Variants in ABCG8 observed in about 807,000 individuals in gnomAD.
ABCG8 encodes the protein ATP binding cassette subfamily G member 8.
A neutral mutation model predicts 71.3 loss-of-function variants in ABCG8; 81 were observed. That is an observed-to-expected ratio of 1.14 (90% confidence interval 0.95 to 1.37). The LOEUF (loss-of-function observed/expected upper bound fraction) is 1.37. Among genes scored for constraint, ABCG8 ranks in the 40% most tolerant of loss-of-function variants. The probability of loss-of-function intolerance (pLI) is 0.00; values close to 1 mark genes in which losing one functional copy is unlikely to be tolerated. For missense variants in ABCG8, 1,119 were observed against 866.2 expected, an observed-to-expected ratio of 1.29 and a Z score of -3.66; for synonymous variants, 451 against 354.7, an observed-to-expected ratio of 1.27 and a Z score of -3.05.
intron 1 of ABCG8, among the ~76,000 whole-genome samples, chr2:43,841,484 A>T (rs1031711015): frequency 1.3e-5 from 2 of 152,176 alleles, no homozygotes; most frequent in African/African-American, 4.8e-5. Flanking sequence ...AGTCTAACAA[A>T]TCCTTCCTGG....
intron 3 of ABCG8, 121 bp downstream of exon 3, chr2:43,846,432 G>T: frequency 7.0e-7 from 1 of 1,420,592 alleles, no homozygotes; most frequent in East Asian, 2.4e-5. Context: ...CAGCAGAATG[G>T]CTGAGAACAC....
At chr2:43,845,212 C>T (rs957590863) in intron 2 of ABCG8, among the ~76,000 whole-genome samples, 16 of 151,820 alleles carry the variant, frequency 1.1e-4, no homozygotes, top group Middle Eastern at 3.4e-3. Context: ...ACCCAGGAAC[C>T]CCCTGGTCAG....
intron 8 of ABCG8, among the ~76,000 whole-genome samples, chr2:43,873,393 C>T (rs1000039012): frequency 2.0e-5 from 3 of 151,942 alleles, no homozygotes; most frequent in Non-Finnish European, 2.9e-5. Flanking sequence ...AGTTTCTCCA[C>T]GTTGGCCAGG....
rs1384330573 is a variant in ABCG8 at position 43,839,455 on chromosome 2, C to G, written c.63+339C>G. ...TTTTTTTTTTTTTTTGAGACGGAGT[C>G]TCGCTCTGTTGCCCAGGCTGGAGTG... On this transcript the variant is annotated intron_variant, in intron 1 of 12. Coordinates refer to ENST00000272286, the MANE Select transcript of ABCG8 (RefSeq NM_022437.3). 3.3e-5 allele frequency among the ~76,000 whole-genome samples: 3 copies of G among 91,338 alleles called. No homozygotes were observed. The Admixed American group carries it at 5.4e-4, about 16-fold the overall frequency. The allele number at this position is 91,338 out of a possible 152,430, so 59.9% of individuals were successfully genotyped here. A position where few individuals can be genotyped will look rare whatever the true frequency, so the allele number is the denominator to read the frequency against.
intron 3 of ABCG8, among the ~76,000 whole-genome samples, chr2:43,849,990 A>C (rs753950619): frequency 6.6e-6 from 1 of 152,112 alleles, no homozygotes. Flanking sequence ...ACCTGAGGTC[A>C]GGGGTTCGAG....
At chr2:43,865,064 CCCACTAT>C (rs1669476968) in intron 6 of ABCG8, among the ~76,000 whole-genome samples, 2 of 151,682 alleles carry the variant, frequency 1.3e-5, no homozygotes, top group Admixed American at 1.3e-4. Context: ...GGATAGAACT[CCCACTAT>C]CTGTCTGGAT....
intron 3 of ABCG8, among the ~76,000 whole-genome samples, chr2:43,851,123 C>T (rs1012887964): frequency 1.3e-5 from 2 of 152,206 alleles, no homozygotes; most frequent in Non-Finnish European, 2.9e-5. Flanking sequence ...TTAGTCCTCA[C>T]AAAGCCAGCT....
At position 43,866,731 on chromosome 2, in the gene ABCG8, C is replaced by T. The variant is rs190082097; in HGVS notation, c.965-5245C>T. Among the ~76,000 whole-genome samples, 1,008 of 151,544 alleles carry T rather than the reference C, an allele frequency of 6.7e-3. 21 individuals are homozygous for T. Among genetic ancestry groups the T allele is most frequent in the African/African-American group, 0.021 (876 of 41,142 alleles). On this transcript the variant is annotated intron_variant, in intron 6 of 12. Transcript: ENST00000272286. ...GAGAGGATGTGGAGAAATAGGAACA[C>T]TTTTACACTGTTGGTGGGATTGTAA...
intron 1 of ABCG8, among the ~76,000 whole-genome samples, chr2:43,840,030 G>A (rs3806470): frequency 0.31 from 47,345 of 152,112 alleles, 8,457 homozygotes; most frequent in East Asian, 0.84. Flanking sequence ...AATTCGGGAT[G>A]TGGCAGGATT....
At position 43,881,809 on chromosome 2, in the gene ABCG8, T is replaced by C. The variant is rs977544353; in HGVS notation, c.*3896T>C. On this transcript the variant is annotated 3_prime_UTR_variant, in exon 13 of 13. Coordinates refer to ENST00000272286, the MANE Select transcript of ABCG8 (RefSeq NM_022437.3). ...GTAGAGATTTGTTTATTTGTCAGTATTGAAAGCATGGCTTGCAAAGTTTTC... is the reference window on the plus strand; with the variant it reads ...GTAGAGATTTGTTTATTTGTCAGTACTGAAAGCATGGCTTGCAAAGTTTTC... 6.6e-6 allele frequency: 1 copy of C among 152,216 alleles called. No homozygotes were observed. The highest frequency in any genetic ancestry group is 1.5e-5 in the Non-Finnish European group (1 of 68,042). 9.4% of individuals were successfully genotyped at this position (152,216 alleles called of 1,614,324 possible).
rs576954778 is a variant in ABCG8 at position 43,880,444 on chromosome 2, G to C, written c.*2531G>C. On this transcript the variant is annotated 3_prime_UTR_variant, in exon 13 of 13. Coordinates refer to ENST00000272286, the MANE Select transcript of ABCG8 (RefSeq NM_022437.3). ...CTGCTTCGGCCTCCCAAAGTGTTGG[G>C]ATTACAGGTGTGACCCACCGCACCT... 13 of 152,324 alleles carry C rather than the reference G, an allele frequency of 8.5e-5. No homozygotes were observed. Among genetic ancestry groups the C allele is most frequent in the Non-Finnish European group, 1.5e-4 (10 of 68,052 alleles). 9.4% of individuals were successfully genotyped at this position (152,324 alleles called of 1,614,324 possible). A position where few individuals can be genotyped will look rare whatever the true frequency, so the allele number is the denominator to read the frequency against.
chr2:43,853,005 G>C, intron 6 of ABCG8, 137 bp downstream of exon 6: 1 of 1,178,936 alleles, frequency 8.5e-7, no homozygotes, highest in Non-Finnish European at 1.2e-6. Flanking sequence ...TGATGGGGAA[G>C]AACATGGGGT....
rs755102191 is a variant in ABCG8 at position 43,844,609 on chromosome 2, G to A, written c.165+1G>A. On this transcript the variant is annotated splice_donor_variant, in intron 2 of 12. Transcript: ENST00000272286. LOFTEE classifies it high-confidence loss of function. Reference sequence around the variant, plus strand: ...GGAGGTCAGAGACCTCAACTACCAGGTAGAGGCACGCCTGGGTTCAAGGGG... The same window carrying A: ...GGAGGTCAGAGACCTCAACTACCAGATAGAGGCACGCCTGGGTTCAAGGGG... 3 of 1,610,092 alleles carry A rather than the reference G, an allele frequency of 1.9e-6. No homozygotes were observed. Among genetic ancestry groups the A allele is most frequent in the African/African-American group, 2.7e-5 (2 of 74,874 alleles).
At chr2:43,840,508 G>T (rs1055815791) in intron 1 of ABCG8, among the ~76,000 whole-genome samples, 6 of 152,186 alleles carry the variant, frequency 3.9e-5, no homozygotes, top group Admixed American at 2.0e-4. Flanking sequence ...GTCACTCCAG[G>T]TGCTGAGTGA....
rs933557140 is a variant in ABCG8, at chr2:43,881,686, T to A, written c.*3773T>A. 2.3e-5 allele frequency: 3 copies of A among 131,956 alleles called. No individual in the cohort carries two copies. The highest frequency in any genetic ancestry group is 9.0e-5 in the African/African-American group (3 of 33,324). 8.2% of individuals were successfully genotyped at this position (131,956 alleles called of 1,614,324 possible). On this transcript the variant is annotated 3_prime_UTR_variant, in exon 13 of 13. Transcript: ENST00000272286. ...ATTGAGCCACCGCACTCCAGCCTGGTGACAGAGCGATACTCTGTCTCAAAA... is the reference window on the plus strand; with the variant it reads ...ATTGAGCCACCGCACTCCAGCCTGGAGACAGAGCGATACTCTGTCTCAAAA...
At chr2:43,867,362 A>T (rs1039303925) in intron 6 of ABCG8, among the ~76,000 whole-genome samples, 3 of 152,024 alleles carry the variant, frequency 2.0e-5, no homozygotes, top group African/African-American at 7.2e-5. Flanking sequence ...AAAAAAAAGA[A>T]TTCTCACCCT....
intron 6 of ABCG8, among the ~76,000 whole-genome samples, chr2:43,858,793 T>C (rs1669202547): frequency 6.6e-6 from 1 of 150,414 alleles, no homozygotes; most frequent in African/African-American, 2.4e-5. Flanking sequence ...TCTATTTCAA[T>C]AGAATTCTCA....
chr2:43,852,759 G>A lies in ABCG8; in HGVS notation c.855G>A (p.Leu285=), dbSNP rs929726147. Reference sequence around the variant, plus strand: ...TCAGGCTGTTTGATCTGGTCCTCCTGATGACGTCTGGCACCCCCATCTACT... The same window carrying A: ...TCAGGCTGTTTGATCTGGTCCTCCTAATGACGTCTGGCACCCCCATCTACT... The part of the protein sequence containing the change: ...DIFRLFDLVL[L]MTSGTPIYLG... The change falls in exon 6 of 13, where the codon CTG becomes CTA. Residue 285 remains leucine (L), a synonymous_variant. Transcript: ENST00000272286. 6 of 1,614,152 alleles carry A rather than the reference G, an allele frequency of 3.7e-6. No homozygotes were observed. Among genetic ancestry groups the A allele is most frequent in the Non-Finnish European group, 5.1e-6 (6 of 1,180,016 alleles).
chr2:43,847,208 C>G (rs1324735080), intron 3 of ABCG8: 1 of 152,218 alleles, frequency 6.6e-6, no homozygotes, highest in Non-Finnish European at 1.5e-5. Flanking sequence ...TTTAATTAAT[C>G]ATTTCCAGAG....
Sources: allele counts gnomAD v4.1 joint callset (sites outside exome capture counted in the v4.1 genomes callset), GRCh38; gene constraint gnomAD v4.1.1; transcripts MANE v1.5; gene names NCBI Gene and HGNC (gene_info 2026-07-23, HGNC 2026-07-21).